The following SNURF variants were observed in gnomAD, a reference collection of about 807,000 sequenced individuals.
The protein encoded by SNURF is SNURF protein.
Under a neutral mutation model 11.6 loss-of-function variants are expected in SNURF, and 6 were observed. The ratio of observed to expected loss-of-function variants is 0.52; its 90% CI spans 0.28 to 1.02. The LOEUF (loss-of-function observed/expected upper bound fraction) is 1.02, where lower values mean the gene tolerates loss of function less well. Among genes scored for constraint, SNURF ranks in the 50% least tolerant of loss-of-function variants. SNURF has a pLI of 0.09. For synonymous variants in SNURF, 29 were observed against 31.6 expected, an observed-to-expected ratio of 0.92 and a Z score of 0.27; for missense variants, 84 against 88.4, an observed-to-expected ratio of 0.95 and a Z score of 0.20.
intron 1 of SNURF, among the ~76,000 whole-genome samples, chr15:24,955,344 G>A (rs1425887039): frequency 1.3e-5 from 2 of 151,986 alleles, no homozygotes; most frequent in Non-Finnish European, 2.9e-5. Context: ...TGGGAAGGGC[G>A]GTGGTGACTG....
At chr15:24,966,789 C>T (rs1288651161) in intron 2 of SNURF, among the ~76,000 whole-genome samples, 1 of 152,030 alleles carries the variant, frequency 6.6e-6, no homozygotes, top group Non-Finnish European at 1.5e-5. Context: ...GAAAAAAGTC[C>T]AATTTCCAAA....
chr15:24,974,242 T>G (rs915034011), intron 3 of SNURF: 2 of 584,166 alleles, frequency 3.4e-6, no homozygotes, highest in East Asian at 5.8e-5. Context: ...GTGATTTTCA[T>G]GCAAAATTGT....
chr15:24,977,256 T>A (rs1034719331), intron 6 of SNURF, among the ~76,000 whole-genome samples: 4 of 152,200 alleles, frequency 2.6e-5, no homozygotes, highest in Non-Finnish European at 5.9e-5. Flanking sequence ...AACTTGCCAC[T>A]AGTGGTGAGT....
At chr15:24,976,402 C>T in exon 5 of SNURF, 1 of 1,608,042 alleles carries the variant, frequency 6.2e-7, no homozygotes, top group Non-Finnish European at 8.5e-7. Context: ...TGTGGAGGGG[C>T]CACCCCCCAA....
chr15:24,960,715 G>A (rs1288543414), intron 1 of SNURF, among the ~76,000 whole-genome samples: 3 of 152,112 alleles, frequency 2.0e-5, no homozygotes, highest in Admixed American at 6.6e-5. Flanking sequence ...ACCCATCGTA[G>A]CAATAGAATT....
chr15:24,967,941 G>C lies in SNURF; in HGVS notation c.120G>C (p.Leu40Phe), dbSNP rs755907959. ...TGTGCTCTTGTTGTAGGTGTCAGTTGTACCCGAGGCGTTCTCAGCAGCAGC... is the reference window on the plus strand; with the variant it reads ...TGTGCTCTTGTTGTAGGTGTCAGTTCTACCCGAGGCGTTCTCAGCAGCAGC... Residue 40 changes from leucine to phenylalanine, a missense_variant, in exon 3 of 3, where the codon TTG becomes TTC. Physicochemically the swap from Leu to Phe is conservative, Grantham distance 22 (BLOSUM62 0). Transcript: ENST00000577949. The C allele has an allele frequency of 2.5e-6, 4 of 1,611,996 alleles. No homozygotes were observed. The South Asian group carries it at 3.3e-5, about 13-fold the overall frequency.
In SNURF at chr15:24,976,409, C is replaced by T. The variant is rs1481471945; in HGVS notation, c.*302C>T. 3 of 1,605,670 alleles carry T rather than the reference C, an allele frequency of 1.9e-6. No homozygotes were observed. The highest frequency in any genetic ancestry group is 2.6e-6 in the Non-Finnish European group (3 of 1,174,284). On this transcript the variant is annotated 3_prime_UTR_variant and NMD_transcript_variant, in exon 5 of 7. Coordinates refer to the SNURF transcript ENST00000580062. ...TCCATGACTGTGGAGGGGCCACCCC[C>T]CAAAGATGTAAGGAAGATGTAGGGC... is the stretch of plus-strand genomic sequence containing the variant.
At chr15:24,960,757 T>G (rs534447219) in intron 1 of SNURF, among the ~76,000 whole-genome samples, 152 of 152,288 alleles carry the variant, frequency 1.0e-3, no homozygotes, top group Middle Eastern at 6.8e-3. Context: ...TGAGAGTTCC[T>G]TACATATTCT....
At chr15:24,970,589 T>C (rs2076277578), downstream of SNURF, among the ~76,000 whole-genome samples, 1 of 152,008 alleles carries the variant, frequency 6.6e-6, no homozygotes. Flanking sequence ...CAAAAAAAAA[T>C]TGTGTTATGA....
At chr15:24,978,487 G>A (rs189125295), downstream of SNURF, 2,243 of 1,567,226 alleles carry the variant, frequency 1.4e-3, 3 homozygotes, top group Admixed American at 5.2e-3. Context: ...CCTGCAATGC[G>A]TCTTGTGAAA....
At chr15:24,955,755 A>G (rs12916854) in intron 1 of SNURF, among the ~76,000 whole-genome samples, 55,679 of 149,602 alleles carry the variant, frequency 0.37, 10,712 homozygotes, top group East Asian at 0.51. Flanking sequence ...GAAGGCGGCG[A>G]CAGTGGGTAT....
chr15:24,978,546 A>G (rs1596356770), downstream of SNURF: 1 of 1,004,254 alleles, frequency 1.0e-6, no homozygotes. Context: ...TGCATTAATA[A>G]TAGCTAATAA....
intron 6 of SNURF, chr15:24,977,061 G>A: frequency 6.6e-7 from 1 of 1,514,404 alleles, no homozygotes; most frequent in Non-Finnish European, 8.9e-7. Flanking sequence ...TTATATTATT[G>A]GGAGAATATG....
chr15:24,977,843 T>A, exon 7 of SNURF: 1 of 1,613,620 alleles, frequency 6.2e-7, no homozygotes, highest in African/African-American at 1.3e-5. Context: ...CCAGTATTGC[T>A]GGAGCCCCAA....
chr15:24,957,217 T>C (rs566710168), intron 1 of SNURF, among the ~76,000 whole-genome samples: 6 of 152,296 alleles, frequency 3.9e-5, no homozygotes, highest in South Asian at 4.1e-4. Flanking sequence ...CTTAAATGGG[T>C]TGGGGGAGAG....
At chr15:24,969,618 A>T (rs528828538), downstream of SNURF, among the ~76,000 whole-genome samples, 8 of 152,262 alleles carry the variant, frequency 5.3e-5, no homozygotes, top group African/African-American at 9.6e-5. Context: ...CTTTTTAGGA[A>T]TTTTTTAGCT....
At chr15:24,955,263 C>G (rs1347259835) in intron 1 of SNURF, among the ~76,000 whole-genome samples, 1 of 152,092 alleles carries the variant, frequency 6.6e-6, no homozygotes, top group Non-Finnish European at 1.5e-5. Flanking sequence ...CCTGTCCGCT[C>G]GCATTGGGGC....
chr15:24,975,456 T>A (rs772205730), exon 4 of SNURF: 1 of 1,613,996 alleles, frequency 6.2e-7, no homozygotes, highest in Admixed American at 1.7e-5. Context: ...TTAAGGCTTT[T>A]GACAAGCATA....
chr15:24,955,832 C>T (rs366704), intron 1 of SNURF, among the ~76,000 whole-genome samples: 1 of 150,804 alleles, frequency 6.6e-6, no homozygotes, highest in South Asian at 2.1e-4. Flanking sequence ...GTAGGCATGG[C>T]GGCGGTGGGC....
Sources: gnomAD v4.1 joint callset for allele counts (sites outside exome capture counted in the v4.1 genomes callset) on GRCh38, gnomAD v4.1.1 for gene constraint, MANE v1.5 for transcripts, NCBI Gene and HGNC (gene_info 2026-07-23, HGNC 2026-07-21) for gene names.